ATP11A: variants seen among roughly 807,000 people sequenced by gnomAD.
ATP11A encodes phospholipid-transporting ATPase IH.
In ATP11A, 81 loss-of-function variants were observed where a neutral mutation model predicts 154.4. The observed-to-expected ratio is 0.52, with a 90% CI of 0.44 to 0.63. The LOEUF is 0.63. Ranked by LOEUF, ATP11A falls within the 30% of genes least tolerant of loss-of-function variation. The pLI, the probability that ATP11A is intolerant of heterozygous loss-of-function variation, is 0.00. For synonymous variants in ATP11A, 623 were observed against 585.9 expected (o/e 1.06, Z -0.91); for missense variants, 1,316 against 1,474.3 (o/e 0.89, Z 1.76).
chr13:112,782,831 G>A (rs760330444), intron 1 of ATP11A, among the ~76,000 whole-genome samples: 19 of 152,196 alleles, frequency 1.2e-4, no homozygotes, highest in African/African-American at 3.9e-4. Flanking sequence ...CCAAGGTCGC[G>A]CTGAGGAAAA....
Position 112,842,152 on chromosome 13 carries a change from A to T in ATP11A, c.1706-124A>T, listed in dbSNP as rs756059278. ...TGTAGCGTGTTAACTGGTCCATTAA[A>T]ATCTTTAAAAAGCTTTCCACACTGC... On this transcript the variant is annotated intron_variant, in intron 16 of 29. Coordinates refer to ENST00000375645, the MANE Select transcript of ATP11A (RefSeq NM_015205.3). 191 of 741,236 alleles carry T rather than the reference A, an allele frequency of 2.6e-4. 1 individual carries two copies. The highest frequency in any genetic ancestry group is 3.9e-4 in the Non-Finnish European group (174 of 450,594). The allele number at this position is 741,236 out of a possible 1,614,324, so 45.9% of individuals were successfully genotyped here.
chr13:112,771,550 A>G (rs2077225813), intron 1 of ATP11A, among the ~76,000 whole-genome samples: 1 of 152,194 alleles, frequency 6.6e-6, no homozygotes, highest in African/African-American at 2.4e-5. Flanking sequence ...CTCCTTTGGA[A>G]ACTTACTGGG....
intron 17 of ATP11A, among the ~76,000 whole-genome samples, chr13:112,846,761 T>C (rs115298299): frequency 0.012 from 1,865 of 152,284 alleles, 29 homozygotes; most frequent in African/African-American, 0.043. Context: ...CCTGGAGATC[T>C]TAAATCTTGT....
intron 28 of ATP11A, among the ~76,000 whole-genome samples, chr13:112,877,478 G>A (rs2080764250): frequency 6.6e-6 from 1 of 152,276 alleles, no homozygotes; most frequent in Non-Finnish European, 1.5e-5. Flanking sequence ...TGGGGACGTG[G>A]CAGACACACA....
At chr13:112,718,544 A>G (rs1050900444) in intron 1 of ATP11A, among the ~76,000 whole-genome samples, 4 of 152,028 alleles carry the variant, frequency 2.6e-5, no homozygotes, top group African/African-American at 9.7e-5. Flanking sequence ...GGGGATGGGA[A>G]CCCGCAGAGG....
chr13:112,773,881 C>T (rs976314847), intron 1 of ATP11A, among the ~76,000 whole-genome samples: 3 of 152,168 alleles, frequency 2.0e-5, no homozygotes, highest in Non-Finnish European at 4.4e-5. Flanking sequence ...CTCCACCCTC[C>T]ACCCTCCACC....
chr13:112,715,005 A>G lies in ATP11A; in HGVS notation c.39+24550A>G, dbSNP rs79714025. Among the ~76,000 whole-genome samples, 676 of 152,164 alleles carry G rather than the reference A, an allele frequency of 4.4e-3. 6 individuals are homozygous for G. The highest frequency in any genetic ancestry group is 0.015 in the African/African-American group (642 of 41,492). On this transcript the variant is annotated intron_variant, in intron 1 of 29. Coordinates refer to ENST00000375645, the MANE Select transcript of ATP11A (RefSeq NM_015205.3). ...CTGTCTCTAGGTATTTGTCAGCTCA[A>G]ATGAGTGACTCACACAGGATTTGTC...
At position 112,885,080 on chromosome 13, in the gene ATP11A, C is replaced by G. The variant is rs1470695450; in HGVS notation, c.*3214C>G. On this transcript the variant is annotated 3_prime_UTR_variant, in exon 30 of 30. Transcript: ENST00000375645. ...ACAAGTGTGAGCTCCTACACGCATA[C>G]ACACACACACGTGTACATGCACCAA... The G allele has an allele frequency of 7.5e-6, 1 of 133,364 alleles. No homozygotes were observed. The highest frequency in any genetic ancestry group is 2.2e-4 in the South Asian group (1 of 4,576). The allele number at this position is 133,364 out of a possible 1,614,324, so 8.3% of individuals were successfully genotyped here.
intron 1 of ATP11A, among the ~76,000 whole-genome samples, chr13:112,720,417 G>A (rs1374673714): frequency 1.3e-5 from 2 of 152,228 alleles, no homozygotes; most frequent in African/African-American, 2.4e-5. Flanking sequence ...CACGCCCGAC[G>A]CGCAGGGTCA....
intron 29 of ATP11A, among the ~76,000 whole-genome samples, chr13:112,879,393 T>C (rs1167274741): frequency 6.6e-6 from 1 of 152,254 alleles, no homozygotes; most frequent in Non-Finnish European, 1.5e-5. Context: ...GAATTTCATC[T>C]CACCATTTCT....
intron 1 of ATP11A, among the ~76,000 whole-genome samples, chr13:112,743,006 G>A (rs1267811154): frequency 1.3e-5 from 2 of 152,198 alleles, no homozygotes; most frequent in African/African-American, 4.8e-5. Flanking sequence ...CTAAGCATCA[G>A]TAGCACAGTG....
chr13:112,815,784 A>G (rs1020849469), intron 5 of ATP11A, among the ~76,000 whole-genome samples: 2 of 152,228 alleles, frequency 1.3e-5, no homozygotes, highest in Non-Finnish European at 2.9e-5. Flanking sequence ...TCACAGGAGT[A>G]CTTCCCACTT....
intron 1 of ATP11A, among the ~76,000 whole-genome samples, chr13:112,715,679 G>T (rs560055072): frequency 1.4e-5 from 2 of 148,064 alleles, no homozygotes; most frequent in African/African-American, 5.0e-5. Flanking sequence ...TACTTTCTCT[G>T]GGAATTCTTT....
chr13:112,880,412 C>T, intron 29 of ATP11A: 1 of 687,454 alleles, frequency 1.5e-6, no homozygotes, highest in East Asian at 9.2e-5. Context: ...AGCTCCATGA[C>T]ACCCCATGCA....
chr13:112,818,160 C>T (rs1372546842), intron 6 of ATP11A, among the ~76,000 whole-genome samples: 3 of 147,536 alleles, frequency 2.0e-5, no homozygotes, highest in South Asian at 2.2e-4. Context: ...ACCGTGTGTG[C>T]GCTTGGTGAC....
chr13:112,777,311 C>G (rs553437839), intron 1 of ATP11A, among the ~76,000 whole-genome samples: 8 of 152,224 alleles, frequency 5.3e-5, no homozygotes, highest in Non-Finnish European at 1.2e-4. Flanking sequence ...CGCCCGTAAT[C>G]CCAGCACTTT....
intron 1 of ATP11A, among the ~76,000 whole-genome samples, chr13:112,760,964 A>T (rs2076947922): frequency 6.6e-6 from 1 of 152,212 alleles, no homozygotes; most frequent in Non-Finnish European, 1.5e-5. Context: ...GAGGTATGAA[A>T]ATATTAACAG....
intron 14 of ATP11A, among the ~76,000 whole-genome samples, chr13:112,833,748 C>T (rs370329723): frequency 9.2e-5 from 14 of 152,332 alleles, no homozygotes; most frequent in African/African-American, 3.1e-4. Context: ...TCGTTCCATG[C>T]GTAAACCCAC....
Position 112,832,935 on chromosome 13 carries a change from G to A in ATP11A, c.1471G>A (p.Gly491Ser), listed in dbSNP as rs977657416. Residue 491 changes from glycine (G) to serine (S), a missense_variant, in exon 14 of 30, where the codon GGC (glycine) becomes AGC (serine). By Grantham distance (56) the Gly-to-Ser change is moderately conservative. Coordinates refer to ENST00000375645, the MANE Select transcript of ATP11A (RefSeq NM_015205.3). ...VQVKDDDSVD[G>S]PRKSPDGGKS... ...GGTGAAAGACGATGACAGCGTAGAC[G>A]GCCCCAGGAAATCGCCGGACGGGGG... 15 of 1,613,948 alleles carry A rather than the reference G, an allele frequency of 9.3e-6. No homozygotes were observed. The highest frequency in any genetic ancestry group is 3.3e-5 in the Admixed American group (2 of 60,000).
Sources: allele counts gnomAD v4.1 joint callset (sites outside exome capture counted in the v4.1 genomes callset), GRCh38; gene constraint gnomAD v4.1.1; transcripts MANE v1.5; gene names NCBI Gene and HGNC (gene_info 2026-07-23, HGNC 2026-07-21).